Variants in SOBP observed in about 807,000 individuals in gnomAD.
SOBP encodes the protein sine oculis-binding protein homolog.
A neutral mutation model predicts 53.6 loss-of-function variants in SOBP; 4 were observed. The observed-to-expected ratio is 0.07, with a 90% confidence interval of 0.04 to 0.17. SOBP has a LOEUF of 0.17. Ranked by LOEUF, SOBP falls within the 10% of genes least tolerant of loss-of-function variation. The probability of loss-of-function intolerance (pLI) is 1.00; values close to 1 mark genes in which losing one functional copy is unlikely to be tolerated. For missense variants in SOBP, 1,088 were observed against 1,204.7 expected (o/e 0.90, Z 1.43); for synonymous variants, 584 against 522.6 (o/e 1.12, Z -1.60).
At chr6:107,531,003 A>C (rs903974408) in intron 3 of SOBP, among the ~76,000 whole-genome samples, 1 of 152,202 alleles carries the variant, frequency 6.6e-6, no homozygotes, top group African/African-American at 2.4e-5. Context: ...CTTGAGAAAG[A>C]CCCCGGAGCT....
At chr6:107,533,675 C>T in intron 4 of SOBP, 65 bp downstream of exon 4, 1 of 1,600,160 alleles carries the variant, frequency 6.2e-7, no homozygotes, top group East Asian at 2.2e-5. Context: ...GCATGTGCCT[C>T]ATAGCTTCTA....
At chr6:107,547,568 GC>G (rs1784336503) in intron 4 of SOBP, among the ~76,000 whole-genome samples, 1 of 152,106 alleles carries the variant, frequency 6.6e-6, no homozygotes, top group African/African-American at 2.4e-5. Context: ...GGATACAAAA[GC>G]CTGAAAAGGT....
At chr6:107,587,285 C>T (rs1386975047) in intron 5 of SOBP, 110 bp downstream of exon 5, 13 of 874,120 alleles carry the variant, frequency 1.5e-5, no homozygotes, top group Non-Finnish European at 2.3e-5. Flanking sequence ...TTATAGTTTT[C>T]TGTATAGAGT....
intron 4 of SOBP, among the ~76,000 whole-genome samples, chr6:107,570,145 C>T (rs1007891402): frequency 2.0e-5 from 3 of 152,156 alleles, no homozygotes; most frequent in Non-Finnish European, 4.4e-5. Flanking sequence ...TTTTCCTTCC[C>T]CTTACACATT....
intron 5 of SOBP, among the ~76,000 whole-genome samples, chr6:107,602,810 C>T (rs1374084445): frequency 6.6e-6 from 1 of 152,106 alleles, no homozygotes; most frequent in Non-Finnish European, 1.5e-5. Flanking sequence ...TGATTTTAAG[C>T]AAAATAAGCT....
At chr6:107,651,879 C>T (rs921587566) in intron 6 of SOBP, among the ~76,000 whole-genome samples, 4 of 152,136 alleles carry the variant, frequency 2.6e-5, no homozygotes, top group South Asian at 2.1e-4. Flanking sequence ...AGTGGAACAA[C>T]GAAGCTTGGG....
At chr6:107,606,716 C>T (rs1201384824) in intron 5 of SOBP, among the ~76,000 whole-genome samples, 1 of 152,248 alleles carries the variant, frequency 6.6e-6, no homozygotes, top group East Asian at 1.9e-4. Flanking sequence ...GCAGCGCCCT[C>T]ACTGGGATCC....
chr6:107,593,770 G>T (rs1785844701), intron 5 of SOBP, among the ~76,000 whole-genome samples: 1 of 152,192 alleles, frequency 6.6e-6, no homozygotes, highest in Admixed American at 6.5e-5. Flanking sequence ...GGATGCATTA[G>T]TTTAAACAAA....
rs1366820127 is a variant in SOBP at position 107,556,080 on chromosome 6, G to C, written c.573+22470G>C. ...AGGACATTAACAATACATGCCAGAG[G>C]GTGCTCTGTAATATGCATTTACACT... On this transcript the variant is annotated intron_variant, in intron 4 of 6. Coordinates refer to ENST00000317357, the MANE Select transcript of SOBP (RefSeq NM_018013.4). 2.0e-5 allele frequency among the ~76,000 whole-genome samples: 3 copies of C among 152,256 alleles called. No individual in the cohort carries two copies. The East Asian group carries it at 5.8e-4, about 29-fold the overall frequency.
chr6:107,604,749 G>A (rs960623984), intron 5 of SOBP, among the ~76,000 whole-genome samples: 2 of 152,154 alleles, frequency 1.3e-5, no homozygotes, highest in African/African-American at 2.4e-5. Context: ...GCCCTGAAGC[G>A]GGGTGAGGTT....
intron 1 of SOBP, among the ~76,000 whole-genome samples, chr6:107,499,541 A>G (rs1245602672): frequency 1.3e-5 from 2 of 152,272 alleles, no homozygotes; most frequent in Non-Finnish European, 2.9e-5. Flanking sequence ...AATGTAGTTC[A>G]GATGCCAAAA....
At chr6:107,529,330 C>A in intron 3 of SOBP, 1 of 383,316 alleles carries the variant, frequency 2.6e-6, no homozygotes, top group Non-Finnish European at 3.6e-6. Flanking sequence ...CACAGTGCAG[C>A]CCGGCCATGG....
chr6:107,507,055 A>C (rs2114950693), intron 3 of SOBP, among the ~76,000 whole-genome samples: 2 of 151,692 alleles, frequency 1.3e-5, no homozygotes, highest in East Asian at 3.9e-4. Flanking sequence ...AACAAGAGCA[A>C]AACTCCGTCT....
At chr6:107,500,646 C>T (rs911551787) in intron 1 of SOBP, among the ~76,000 whole-genome samples, 36 of 151,746 alleles carry the variant, frequency 2.4e-4, no homozygotes, top group East Asian at 5.9e-4. Flanking sequence ...CTCAGCCTCC[C>T]AAGTAGCTGG....
chr6:107,495,761 T>A (rs935682922), intron 1 of SOBP, among the ~76,000 whole-genome samples: 4 of 152,200 alleles, frequency 2.6e-5, no homozygotes, highest in African/African-American at 9.6e-5. Context: ...GAAAAGGTAG[T>A]CTCTTGTTAG....
intron 5 of SOBP, among the ~76,000 whole-genome samples, chr6:107,590,378 G>T (rs916381066): frequency 7.9e-5 from 12 of 152,300 alleles, no homozygotes; most frequent in African/African-American, 2.9e-4. Context: ...ACATCCCTGT[G>T]TTCAGGAAGA....
intron 6 of SOBP, among the ~76,000 whole-genome samples, chr6:107,652,000 G>A (rs1237872425): frequency 6.6e-6 from 1 of 152,178 alleles, no homozygotes; most frequent in East Asian, 1.9e-4. Context: ...TATTGACAAT[G>A]CATTTGGTCA....
chr6:107,596,869 A>G (rs983832925), intron 5 of SOBP, among the ~76,000 whole-genome samples: 4 of 152,214 alleles, frequency 2.6e-5, no homozygotes, highest in African/African-American at 9.7e-5. Flanking sequence ...AGAGCTTCCC[A>G]ACCTACAGAA....
At position 107,625,128 on chromosome 6, in the gene SOBP, G is replaced by A. The variant is rs540986811; in HGVS notation, c.670-8386G>A. Among the ~76,000 whole-genome samples, 5 of 152,326 alleles carry A rather than the reference G, an allele frequency of 3.3e-5. No individual in the cohort carries two copies. In the South Asian group the frequency reaches 1.0e-3, roughly 32 times the overall value. ...TGAGGAAATTCATGTAGCATGCTCA[G>A]CATGGGTACTAGAGCTTAAATAAAG... On this transcript the variant is annotated intron_variant, in intron 5 of 6. Transcript: ENST00000317357.
Sources: gnomAD v4.1 joint callset for allele counts (sites outside exome capture counted in the v4.1 genomes callset) on GRCh38, gnomAD v4.1.1 for gene constraint, MANE v1.5 for transcripts, NCBI Gene and HGNC (gene_info 2026-07-23, HGNC 2026-07-21) for gene names.